Variants in MALT1 observed in about 807,000 individuals in gnomAD.
The protein encoded by MALT1 is mucosa-associated lymphoid tissue lymphoma translocation protein 1.
Under a neutral mutation model 85.5 loss-of-function variants are expected in MALT1, and 36 were observed. That is an observed-to-expected ratio of 0.42 (90% CI 0.32 to 0.56). The LOEUF (loss-of-function observed/expected upper bound fraction) is 0.56. Ranked by LOEUF, MALT1 falls within the 20% of genes least tolerant of loss-of-function variation. The probability of loss-of-function intolerance (pLI) is 0.10; values close to 1 mark genes in which losing one functional copy is unlikely to be tolerated. For synonymous variants in MALT1, 359 were observed against 361.3 expected (o/e 0.99, Z 0.07); for missense variants, 716 against 981.6 (o/e 0.73, Z 3.62).
At position 58,700,522 on chromosome 18, in the gene MALT1, A is replaced by G; in HGVS notation, c.580A>G (p.Asn194Asp). The G allele has an allele frequency of 6.2e-7, 1 of 1,613,528 alleles. No individual in the cohort carries two copies. The highest frequency in any genetic ancestry group is 8.5e-7 in the Non-Finnish European group (1 of 1,179,798). ...AGGCTTTTATGTCTGTCGAGTTAAT[A>G]ACAATTTCACCTTTGAATTCAGCCA... The part of the protein sequence containing the change: ...DAGFYVCRVN[N>D]NFTFEFSQWS... Residue 194 changes from asparagine to aspartate, a missense_variant, in exon 4 of 17, where the codon AAC becomes GAC. Asn to Asp is a conservative substitution (Grantham distance 23). This residue lies in a region of MALT1 where 290 missense variants were observed against 380.5 expected (regional missense o/e 0.76). Coordinates refer to ENST00000649217, the MANE Select transcript of MALT1 (RefSeq NM_006785.4).
At chr18:58,704,200 G>A (rs2054713392) in intron 4 of MALT1, among the ~76,000 whole-genome samples, 1 of 152,178 alleles carries the variant, frequency 6.6e-6, no homozygotes, top group Admixed American at 6.5e-5. Flanking sequence ...ACATAGAAGT[G>A]GAATTGCTGA....
intron 2 of MALT1, among the ~76,000 whole-genome samples, chr18:58,694,821 G>A (rs1176478922): frequency 1.3e-5 from 2 of 152,212 alleles, no homozygotes; most frequent in African/African-American, 4.8e-5. Context: ...TTTCCCCAGG[G>A]TTGGAGGATC....
intron 2 of MALT1, among the ~76,000 whole-genome samples, chr18:58,692,445 C>CTCACA (rs1568129469): frequency 1.4e-4 from 4 of 28,398 alleles, no homozygotes; most frequent in African/African-American, 4.3e-4. Flanking sequence ...TCACTCTCTC[C>CTCACA]CTCCCTCCCT....
chr18:58,676,251 C>T (rs998998033), intron 1 of MALT1, among the ~76,000 whole-genome samples: 2 of 152,118 alleles, frequency 1.3e-5, no homozygotes, highest in Non-Finnish European at 2.9e-5. Context: ...CTATTGTGGC[C>T]AGGCGTGGTA....
intron 2 of MALT1, among the ~76,000 whole-genome samples, chr18:58,692,489 C>T (rs2144341906): frequency 1.4e-5 from 2 of 147,242 alleles, no homozygotes; most frequent in Middle Eastern, 6.9e-3. Flanking sequence ...TCTCCCACCT[C>T]CCCACTCCCT....
intron 4 of MALT1, among the ~76,000 whole-genome samples, chr18:58,700,931 T>C (rs2054662905): frequency 6.6e-6 from 1 of 152,094 alleles, no homozygotes; most frequent in African/African-American, 2.4e-5. Flanking sequence ...TAGCTGGGAT[T>C]ACAGGCACAT....
At chr18:58,733,287 A>C (rs112581829) in intron 10 of MALT1, 110 bp from the exon 11 acceptor site, 1 of 685,076 alleles carries the variant, frequency 1.5e-6, no homozygotes, top group Non-Finnish European at 2.5e-6. Context: ...GCTCACATCA[A>C]CCTGAAGAAA....
intron 7 of MALT1, among the ~76,000 whole-genome samples, chr18:58,713,466 C>T (rs8087549): frequency 0.42 from 64,249 of 151,798 alleles, 14,503 homozygotes; most frequent in African/African-American, 0.59. Context: ...TCCTCAAAAC[C>T]GTCAGTGTCA....
In MALT1 at chr18:58,749,538, CATGTGTACTGGGTGACTCAAAT is replaced by C. The variant is rs908370811; in HGVS notation, c.*1697_*1718del. The C allele has an allele frequency of 2.8e-5, 6 of 217,592 alleles. No individual in the cohort carries two copies. Among genetic ancestry groups the C allele is most frequent in the African/African-American group, 1.3e-4 (6 of 44,474 alleles). The allele number at this position is 217,592 out of a possible 1,614,324, so 13.5% of individuals were successfully genotyped here. On this transcript the variant is annotated 3_prime_UTR_variant, in exon 17 of 17. Coordinates refer to ENST00000649217, the MANE Select transcript of MALT1 (RefSeq NM_006785.4). ...CATCTTGTTCAGCCTCAGCTGGGAA[CATGTGTACTGGGTGACTCAAAT>C]TTTTCACCCATTTACACATATCCAC...
chr18:58,738,670 T>A (rs2055258284), intron 13 of MALT1, among the ~76,000 whole-genome samples: 1 of 152,092 alleles, frequency 6.6e-6, no homozygotes, highest in African/African-American at 2.4e-5. Context: ...ATAGTCAGAC[T>A]TTTTTATTTT....
Position 58,754,246 on chromosome 18 carries a change from G to C in MALT1, c.*6404G>C, listed in dbSNP as rs2055483397. On this transcript the variant is annotated 3_prime_UTR_variant, in exon 17 of 17. Coordinates refer to ENST00000649217, the MANE Select transcript of MALT1 (RefSeq NM_006785.4). ...TGCTGCTTATACCGTAACGGGAAAA[G>C]TACACAACAGTGTCTTAATATTTCA... The C allele has an allele frequency of 6.6e-6, 1 of 152,138 alleles. No individual in the cohort carries two copies. Among genetic ancestry groups the C allele is most frequent in the African/African-American group, 2.4e-5 (1 of 41,410 alleles). 9.4% of individuals were successfully genotyped at this position (152,138 alleles called of 1,614,324 possible). A position where few individuals can be genotyped will look rare whatever the true frequency, so the allele number is the denominator to read the frequency against.
intron 8 of MALT1, 101 bp from the exon 9 acceptor site, chr18:58,715,834 T>C: frequency 1.2e-6 from 1 of 801,240 alleles, no homozygotes; most frequent in South Asian, 1.5e-5. Context: ...AGAAACTATA[T>C]TCTGTAAGTG....
At position 58,709,546 on chromosome 18, in the gene MALT1, A is replaced by G; in HGVS notation, c.818A>G (p.Lys273Arg). The G allele has an allele frequency of 6.2e-7, 1 of 1,603,802 alleles. No individual in the cohort carries two copies. The highest frequency in any genetic ancestry group is 8.5e-7 in the Non-Finnish European group (1 of 1,176,564). ...NELPLTHETK[K>R]LYMVPYVDLE... is the part of the protein sequence containing the mutation. ...TTACCATTAACACATGAGACCAAAA[A>G]GCTATACATGGTAGGAAGTTGATTT... Residue 273 changes from lysine to arginine, a missense_variant, in exon 5 of 17, where the codon AAG becomes AGG. Physicochemically the swap from Lys to Arg is conservative, Grantham distance 26. Transcript: ENST00000649217.
At chr18:58,720,643 C>T (rs1382728460) in intron 9 of MALT1, among the ~76,000 whole-genome samples, 4 of 152,142 alleles carry the variant, frequency 2.6e-5, no homozygotes, top group Admixed American at 1.3e-4. Flanking sequence ...GAGAACAAAA[C>T]CAGTGAATAA....
chr18:58,714,112 G>A lies in MALT1; in HGVS notation c.985+3G>A, dbSNP rs1262601454. 2.4e-6 allele frequency: 3 copies of A among 1,261,326 alleles called. No homozygotes were observed. The highest frequency in any genetic ancestry group is 1.5e-5 in the African/African-American group (1 of 67,276). The allele number at this position is 1,261,326 out of a possible 1,614,324, so 78.1% of individuals were successfully genotyped here. On this transcript the variant is annotated splice_donor_region_variant and intron_variant, in intron 8 of 16. Coordinates refer to ENST00000649217, the MANE Select transcript of MALT1 (RefSeq NM_006785.4). ...ATTAAATAATCTTGGTCATCCTGGT[G>A]AGTAATACAAACATAAAACTTTAGT...
rs532104950 is a variant in MALT1, at chr18:58,749,338, A to G, written c.*1496A>G. On this transcript the variant is annotated 3_prime_UTR_variant, in exon 17 of 17. Coordinates refer to ENST00000649217, the MANE Select transcript of MALT1 (RefSeq NM_006785.4). ...TATTTTACAGAAGTGAAAGTGAGGT[A>G]TCAGAAGTGTTAAGTGACATGCCTG... The G allele has an allele frequency of 5.4e-4, 117 of 216,802 alleles. 4 individuals carry two copies. The South Asian group carries it at 0.021, about 38-fold the overall frequency. The allele number at this position is 216,802 out of a possible 1,614,324, so 13.4% of individuals were successfully genotyped here. A position where few individuals can be genotyped will look rare whatever the true frequency, so the allele number is the denominator to read the frequency against.
intron 9 of MALT1, among the ~76,000 whole-genome samples, chr18:58,718,201 G>A (rs570432071): frequency 1.3e-5 from 2 of 152,254 alleles, no homozygotes; most frequent in South Asian, 4.1e-4. Context: ...TCATTCCATA[G>A]CCTCCGTTAG....
intron 13 of MALT1, chr18:58,741,418 A>C (rs991270997): frequency 6.6e-6 from 1 of 152,134 alleles, no homozygotes; most frequent in African/African-American, 2.4e-5. Context: ...ACTTAGACTT[A>C]GTTCTGGATC....
intron 4 of MALT1, among the ~76,000 whole-genome samples, chr18:58,707,855 G>T (rs1157498828): frequency 6.6e-6 from 1 of 152,172 alleles, no homozygotes; most frequent in Non-Finnish European, 1.5e-5. Flanking sequence ...GGAATTGAGG[G>T]TAGAATGAGG....
Sources: allele counts gnomAD v4.1 joint callset (sites outside exome capture counted in the v4.1 genomes callset), GRCh38; gene constraint gnomAD v4.1.1; regional missense constraint gnomAD v4.1.1; transcripts MANE v1.5; gene names NCBI Gene and HGNC (gene_info 2026-07-23, HGNC 2026-07-21).